POM121: variants seen among roughly 807,000 people sequenced by gnomAD.
POM121 encodes POM121 transmembrane nucleoporin.
In POM121, 32 loss-of-function variants were observed where a neutral mutation model predicts 81.3. That is an observed-to-expected ratio of 0.39 (90% CI 0.30 to 0.53). The LOEUF is 0.53. Among genes scored for constraint, POM121 ranks in the 20% least tolerant of loss-of-function variants. POM121 has a pLI of 0.66. For missense variants in POM121, 1,138 were observed against 1,614.6 expected (o/e 0.70, Z 5.06); for synonymous variants, 514 against 694.2 (o/e 0.74, Z 4.08).
chr7:72,895,221 G>A (rs1289849565), intron 3 of POM121, among the ~76,000 whole-genome samples: 6 of 152,110 alleles, frequency 3.9e-5, no homozygotes, highest in South Asian at 2.1e-4. Flanking sequence ...CTCCCAACAG[G>A]GCATATCATG....
At chr7:72,935,261 C>T (rs2129579064) in intron 5 of POM121, among the ~76,000 whole-genome samples, 1 of 152,158 alleles carries the variant, frequency 6.6e-6, no homozygotes, top group Admixed American at 6.5e-5. Flanking sequence ...CTGCCTTGAA[C>T]TCCCAGGCTC....
chr7:72,884,299 G>A (rs1478747440), intron 1 of POM121, among the ~76,000 whole-genome samples: 1 of 152,056 alleles, frequency 6.6e-6, no homozygotes, highest in Non-Finnish European at 1.5e-5. Flanking sequence ...TTAAGCAGGA[G>A]GGTATTTTGT....
At chr7:72,879,692 G>C (rs1418865832) in exon 1 of POM121, 4 of 435,416 alleles carry the variant, frequency 9.2e-6, no homozygotes, top group African/African-American at 8.1e-5. Flanking sequence ...TGAGCCCCAG[G>C]GAGGCGGATC....
At chr7:72,927,528 G>C (rs1463183262) in intron 3 of POM121, among the ~76,000 whole-genome samples, 16 of 152,004 alleles carry the variant, frequency 1.1e-4, no homozygotes, top group African/African-American at 3.9e-4. Context: ...TGGCCAACAT[G>C]GTGAAACCCC....
intron 6 of POM121, 50 bp downstream of exon 6, chr7:72,938,731 G>C: frequency 6.3e-7 from 1 of 1,590,794 alleles, no homozygotes; most frequent in Non-Finnish European, 8.6e-7. Flanking sequence ...ACAGGCGGGG[G>C]TGAGGAAAGG....
At chr7:72,917,737 G>T (rs868987998) in intron 4 of POM121, among the ~76,000 whole-genome samples, 3 of 152,330 alleles carry the variant, frequency 2.0e-5, no homozygotes, top group Middle Eastern at 6.8e-3. Context: ...ATGAGAGAGT[G>T]TAGAAAGAAA....
At chr7:72,948,752 G>GCA, downstream of POM121, 1 of 1,572,594 alleles carries the variant, frequency 6.4e-7, no homozygotes, top group South Asian at 1.1e-5. Flanking sequence ...GCAGTGCTCG[G>GCA]CACCCGGGAA....
chr7:72,903,976 A>AT (rs1471481994), intron 3 of POM121, among the ~76,000 whole-genome samples: 2 of 152,072 alleles, frequency 1.3e-5, no homozygotes, highest in East Asian at 1.9e-4. Context: ...TAATTTTTGT[A>AT]TTTTTTAGTA....
At chr7:72,936,523 C>T (rs1289033882) in intron 5 of POM121, among the ~76,000 whole-genome samples, 2 of 152,202 alleles carry the variant, frequency 1.3e-5, no homozygotes, top group Admixed American at 1.3e-4. Context: ...GTGATCCGCC[C>T]ACCTTGGCCT....
chr7:72,891,248 A>G, intron 3 of POM121: 1 of 494,564 alleles, frequency 2.0e-6, no homozygotes, highest in Non-Finnish European at 3.7e-6. Context: ...CTGCACACAT[A>G]CATGAACTCT....
intron 1 of POM121, among the ~76,000 whole-genome samples, chr7:72,882,009 A>C (rs1367199277): frequency 6.6e-6 from 1 of 152,224 alleles, no homozygotes; most frequent in East Asian, 1.9e-4. Context: ...ATCAGCACCA[A>C]AAATGATTTG....
At chr7:72,895,429 C>G (rs1791844421) in intron 3 of POM121, among the ~76,000 whole-genome samples, 2 of 152,122 alleles carry the variant, frequency 1.3e-5, no homozygotes, top group South Asian at 4.1e-4. Context: ...TGGGAGATGC[C>G]AGGTCCTAGA....
chr7:72,879,545 G>A, exon 1 of POM121: 1 of 266,328 alleles, frequency 3.8e-6, no homozygotes, highest in South Asian at 3.0e-5. Context: ...CGGGACCCCC[G>A]AGCGTGAACC....
At chr7:72,921,555 A>C (rs1336751754), upstream of POM121, among the ~76,000 whole-genome samples, 2 of 152,180 alleles carry the variant, frequency 1.3e-5, no homozygotes, top group African/African-American at 4.8e-5. Flanking sequence ...TTTGGGGCTC[A>C]TCTCACAAGT....
chr7:72,932,529 A>G (rs1373842027), intron 5 of POM121, among the ~76,000 whole-genome samples: 2 of 152,190 alleles, frequency 1.3e-5, no homozygotes, highest in African/African-American at 2.4e-5. Context: ...ATTTGTTCAT[A>G]TGTCATTTCA....
intron 1 of POM121, 140 bp downstream of exon 1, chr7:72,925,905 T>TTAAG: frequency 9.1e-7 from 1 of 1,095,946 alleles, no homozygotes; most frequent in Non-Finnish European, 1.2e-6. Flanking sequence ...CACCTTGGTG[T>TTAAG]GTGCCAGCTG....
At chr7:72,936,846 C>T (rs1259520101) in intron 5 of POM121, among the ~76,000 whole-genome samples, 2 of 152,144 alleles carry the variant, frequency 1.3e-5, no homozygotes, top group African/African-American at 2.4e-5. Context: ...TAAGGTCTTG[C>T]TATGTTGCCC....
At chr7:72,881,352 T>C (rs1416331922) in intron 1 of POM121, among the ~76,000 whole-genome samples, 3 of 149,994 alleles carry the variant, frequency 2.0e-5, no homozygotes, top group African/African-American at 7.4e-5. Context: ...ATCACTCTTT[T>C]AGACCCTTCT....
chr7:72,915,447 C>T (rs1162315482), intron 4 of POM121, among the ~76,000 whole-genome samples: 2 of 152,130 alleles, frequency 1.3e-5, no homozygotes, highest in African/African-American at 4.8e-5. Context: ...CTCGGCTCCT[C>T]CTCCGCCTCG....
Sources: gnomAD v4.1 joint callset for allele counts (sites outside exome capture counted in the v4.1 genomes callset) on GRCh38, gnomAD v4.1.1 for gene constraint, MANE v1.5 for transcripts, NCBI Gene and HGNC (gene_info 2026-07-23, HGNC 2026-07-21) for gene names.